THRB: variants seen among roughly 807,000 people sequenced by gnomAD.
The protein encoded by THRB is thyroid hormone receptor beta.
A neutral mutation model predicts 47.8 loss-of-function variants in THRB; 12 were observed. The observed-to-expected ratio is 0.25, with a 90% CI of 0.16 to 0.41. The LOEUF is 0.41. Ranked by LOEUF, THRB falls within the 10% of genes least tolerant of loss-of-function variation. THRB has a pLI of 1.00. For synonymous variants in THRB, 218 were observed against 212.2 expected (o/e 1.03, Z -0.24); for missense variants, 348 against 589.2 (o/e 0.59, Z 4.24).
intron 3 of THRB, among the ~76,000 whole-genome samples, chr3:24,279,060 GTCTTGAA>G (rs2054240964): frequency 6.6e-6 from 1 of 152,070 alleles, no homozygotes; most frequent in Non-Finnish European, 1.5e-5. Context: ...GCCTAGGCTG[GTCTTGAA>G]CTCCCGGCTT....
chr3:24,277,302 A>T (rs915947119), intron 3 of THRB, among the ~76,000 whole-genome samples: 4 of 152,190 alleles, frequency 2.6e-5, no homozygotes, highest in Admixed American at 1.3e-4. Context: ...GCTGCTCAAC[A>T]TCCTACAATA....
At chr3:24,454,732 T>A (rs2073004227) in intron 1 of THRB, among the ~76,000 whole-genome samples, 1 of 152,158 alleles carries the variant, frequency 6.6e-6, no homozygotes, top group Admixed American at 6.5e-5. Context: ...TCTTTTTCTA[T>A]AGATATTGTT....
chr3:24,251,751 A>T (rs1413332647), intron 3 of THRB, among the ~76,000 whole-genome samples: 6 of 151,752 alleles, frequency 4.0e-5, no homozygotes, highest in African/African-American at 1.2e-4. Flanking sequence ...TTTCATAGAT[A>T]AAAAAAATTA....
At chr3:24,335,096 AC>A (rs944310732) in intron 2 of THRB, among the ~76,000 whole-genome samples, 4 of 152,130 alleles carry the variant, frequency 2.6e-5, no homozygotes, top group African/African-American at 9.7e-5. Flanking sequence ...CCCAGCACAG[AC>A]TTTTAAGGGG....
At chr3:24,126,984 T>C (rs867357974) in intron 10 of THRB, among the ~76,000 whole-genome samples, 1 of 152,200 alleles carries the variant, frequency 6.6e-6, no homozygotes, top group African/African-American at 2.4e-5. Flanking sequence ...CCTGAACCAG[T>C]GTTTGATGTC....
intron 1 of THRB, among the ~76,000 whole-genome samples, chr3:24,481,248 T>TG (rs1696358001): frequency 6.8e-5 from 10 of 147,832 alleles, no homozygotes; most frequent in South Asian, 4.4e-4. Flanking sequence ...TTTTTTTTTT[T>TG]TTTTTTTTTA....
chr3:24,223,869 T>A (rs1388420075), intron 4 of THRB, among the ~76,000 whole-genome samples: 1 of 151,316 alleles, frequency 6.6e-6, no homozygotes, highest in Non-Finnish European at 1.5e-5. Context: ...AAGGTGAAGT[T>A]TGAGTCACCA....
chr3:24,353,400 T>C (rs936473800), intron 1 of THRB, among the ~76,000 whole-genome samples: 18 of 152,112 alleles, frequency 1.2e-4, no homozygotes, highest in African/African-American at 4.1e-4. Flanking sequence ...CAAATCTCTA[T>C]AGACATTTGA....
intron 3 of THRB, among the ~76,000 whole-genome samples, chr3:24,276,881 A>G (rs971128564): frequency 6.6e-6 from 1 of 152,264 alleles, no homozygotes; most frequent in Non-Finnish European, 1.5e-5. Flanking sequence ...AATCAACTAC[A>G]TTTTATAAAA....
chr3:24,179,933 CG>C (rs768693308), intron 5 of THRB, among the ~76,000 whole-genome samples: 4 of 152,100 alleles, frequency 2.6e-5, no homozygotes, highest in Non-Finnish European at 5.9e-5. Flanking sequence ...ATGAGCATGT[CG>C]TGTGTAAGAT....
At chr3:24,432,357 T>C (rs1432517577) in intron 1 of THRB, among the ~76,000 whole-genome samples, 1 of 152,122 alleles carries the variant, frequency 6.6e-6, no homozygotes, top group African/African-American at 2.4e-5. Context: ...CAGCTTAAAA[T>C]TGGATTCTTT....
chr3:24,290,770 T>G lies in THRB; in HGVS notation c.-43+6456A>C, dbSNP rs145062027. ...CATAGTAATGACTAACCTTGAAACC[T>G]TTTTCTTGGAAACCCCAAAGCAGTC... is the stretch of plus-strand genomic sequence containing the variant. On this transcript the variant is annotated intron_variant, in intron 3 of 10. Transcript: ENST00000646209. 1.1e-3 allele frequency among the ~76,000 whole-genome samples: 171 copies of G among 152,316 alleles called. 1 individual carries two copies. Among genetic ancestry groups the G allele is most frequent in the African/African-American group, 3.8e-3 (160 of 41,570 alleles).
In THRB at chr3:24,230,380, A is replaced by T. The variant is rs148635995; in HGVS notation, c.-42-1379T>A. On this transcript the variant is annotated intron_variant, in intron 3 of 10. Transcript: ENST00000646209. ...ACAGGTACTCAACAATATATGTTGA[A>T]CAACTAAATAAAATAAGATGAATGA... is the stretch of plus-strand genomic sequence containing the variant. Among the ~76,000 whole-genome samples, 4 of 152,338 alleles carry T rather than the reference A, an allele frequency of 2.6e-5. No homozygotes were observed. The East Asian group carries it at 7.7e-4, about 29-fold the overall frequency.
intron 3 of THRB, among the ~76,000 whole-genome samples, chr3:24,244,031 A>G (rs2049858471): frequency 6.6e-6 from 1 of 152,002 alleles, no homozygotes; most frequent in Non-Finnish European, 1.5e-5. Flanking sequence ...AAAAATGCAC[A>G]CTATAGAGAC....
chr3:24,299,785 A>T (rs199549197), intron 2 of THRB, among the ~76,000 whole-genome samples: 32,253 of 60,348 alleles, frequency 0.53, 7,884 homozygotes, highest in African/African-American at 0.65. Flanking sequence ...TTATTTATTT[A>T]TTTATTTTTT....
chr3:24,289,416 T>C (rs2055688782), intron 3 of THRB, among the ~76,000 whole-genome samples: 1 of 152,320 alleles, frequency 6.6e-6, no homozygotes, highest in South Asian at 2.1e-4. Context: ...ATGGCAATTT[T>C]ATATAGTTTT....
At chr3:24,187,841 G>T (rs1405220529) in intron 5 of THRB, among the ~76,000 whole-genome samples, 1 of 152,164 alleles carries the variant, frequency 6.6e-6, no homozygotes, top group East Asian at 1.9e-4. Context: ...CTCAACACAT[G>T]TGCCCATTTT....
At chr3:24,211,107 G>A (rs929310184) in intron 4 of THRB, among the ~76,000 whole-genome samples, 3 of 151,210 alleles carry the variant, frequency 2.0e-5, no homozygotes, top group Non-Finnish European at 2.9e-5. Flanking sequence ...GGCTGAGGCC[G>A]GAGAATCACT....
chr3:24,449,938 G>A (rs2885448), intron 1 of THRB, among the ~76,000 whole-genome samples: 62,223 of 151,642 alleles, frequency 0.41, 14,207 homozygotes, highest in African/African-American at 0.61. Flanking sequence ...AGACAATCTA[G>A]CATCTAAGCA....
Sources: allele counts gnomAD v4.1 joint callset (sites outside exome capture counted in the v4.1 genomes callset), GRCh38; gene constraint gnomAD v4.1.1; transcripts MANE v1.5; gene names NCBI Gene and HGNC (gene_info 2026-07-23, HGNC 2026-07-21).